The following SIK3 variants were observed in gnomAD, a reference collection of about 807,000 sequenced individuals.
SIK3 encodes the protein serine/threonine-protein kinase SIK3.
Under a neutral mutation model 144.2 loss-of-function variants are expected in SIK3, and 28 were observed. The ratio of observed to expected loss-of-function variants is 0.19; its 90% CI spans 0.14 to 0.27. The LOEUF is 0.27. SIK3 is among the 10% of genes least tolerant of loss of function. The pLI, the probability that SIK3 is intolerant of heterozygous loss-of-function variation, is 1.00. For missense variants in SIK3, 1,319 were observed against 1,776.0 expected (o/e 0.74, Z 4.62); for synonymous variants, 686 against 676.3 (o/e 1.01, Z -0.22).
At chr11:117,018,908 C>T (rs1271027163) in intron 1 of SIK3, among the ~76,000 whole-genome samples, 1 of 151,942 alleles carries the variant, frequency 6.6e-6, no homozygotes, top group African/African-American at 2.4e-5. Flanking sequence ...GAAGGGGTTT[C>T]ACCATGCTGG....
At chr11:116,887,953 AAAC>A (rs1591229403) in intron 6 of SIK3, among the ~76,000 whole-genome samples, 2 of 152,258 alleles carry the variant, frequency 1.3e-5, no homozygotes, top group Non-Finnish European at 2.9e-5. Flanking sequence ...TGTGTCAAAC[AAAC>A]AACACCAGGC....
intron 1 of SIK3, among the ~76,000 whole-genome samples, chr11:117,081,510 G>A (rs992928881): frequency 6.6e-6 from 1 of 152,226 alleles, no homozygotes; most frequent in Non-Finnish European, 1.5e-5. Flanking sequence ...TGTAGTCCCA[G>A]CTACTCAGGA....
intron 1 of SIK3, among the ~76,000 whole-genome samples, chr11:117,064,110 G>A (rs1953914246): frequency 6.6e-6 from 1 of 152,138 alleles, no homozygotes; most frequent in Non-Finnish European, 1.5e-5. Flanking sequence ...GATAAAGCCA[G>A]GTCAAAACTA....
At position 116,858,076 on chromosome 11, in the gene SIK3, C is replaced by T; in HGVS notation, c.3389G>A (p.Gly1130Glu). 3 of 1,613,706 alleles carry T rather than the reference C, an allele frequency of 1.9e-6. No homozygotes were observed. The highest frequency in any genetic ancestry group is 1.1e-5 in the South Asian group (1 of 90,994). The change falls in exon 21 of 25, where the codon GGG becomes GAG. Residue 1130 changes from glycine to glutamate, a missense_variant. Coordinates refer to ENST00000445177, the MANE Select transcript of SIK3 (RefSeq NM_001366686.3). This position sits in a 1 kb window ranked among gnomAD's most constrained non-coding sequence, Gnocchi z 5.4. ...CATCAGTGCCGGCTGGTGAGCATACCCGTGGGGCGGGGTGGGTGAGGAAGC... is the reference window on the plus strand; with the variant it reads ...CATCAGTGCCGGCTGGTGAGCATACTCGTGGGGCGGGGTGGGTGAGGAAGC... ...SQASSPTPPHGYAHQPALMHS... is the reference protein window; with the variant it reads ...SQASSPTPPHEYAHQPALMHS...
At chr11:116,974,418 C>T (rs1379231244) in intron 1 of SIK3, among the ~76,000 whole-genome samples, 1 of 151,860 alleles carries the variant, frequency 6.6e-6, no homozygotes, top group African/African-American at 2.4e-5. Flanking sequence ...CCTTTTTTTC[C>T]CCCTTTTGAA....
At chr11:117,016,649 G>GA (rs1487039556) in intron 1 of SIK3, among the ~76,000 whole-genome samples, 3 of 152,030 alleles carry the variant, frequency 2.0e-5, no homozygotes, top group East Asian at 3.9e-4. Context: ...CCCTGTCTCC[G>GA]AAAAAATTGT....
chr11:117,092,455 C>G (rs1955290678), intron 1 of SIK3, among the ~76,000 whole-genome samples: 1 of 152,174 alleles, frequency 6.6e-6, no homozygotes, highest in African/African-American at 2.4e-5. Flanking sequence ...CTATCTGAGG[C>G]AGCAGCCCCC....
rs897484210 is a variant in SIK3, at chr11:117,082,219, G to A, written c.273+15924C>T. On this transcript the variant is annotated intron_variant, in intron 1 of 24. Coordinates refer to ENST00000445177, the MANE Select transcript of SIK3 (RefSeq NM_001366686.3). The stretch of plus-strand genomic sequence containing the variant: ...GGGCAGCTACTGTGGAAAACAGTTT[G>A]GAAGTTGCTCAAAACCTTAAACAAG... Among the ~76,000 whole-genome samples the A allele has an allele frequency of 2.6e-5, 4 of 152,164 alleles. No homozygotes were observed. In the South Asian group the frequency reaches 6.2e-4, roughly 24 times the overall value.
chr11:117,064,597 A>C (rs532123452), intron 1 of SIK3, among the ~76,000 whole-genome samples: 1 of 152,280 alleles, frequency 6.6e-6, no homozygotes, highest in Non-Finnish European at 1.5e-5. Context: ...CAGACTTCAT[A>C]ATTCTCCACT....
chr11:116,999,176 A>G (rs1016979269), intron 1 of SIK3, among the ~76,000 whole-genome samples: 15 of 152,194 alleles, frequency 9.9e-5, no homozygotes, highest in Non-Finnish European at 2.2e-4. Context: ...AAATGTTAGA[A>G]CAGTTCTGGA....
intron 1 of SIK3, among the ~76,000 whole-genome samples, chr11:116,966,476 T>G (rs1049404526): frequency 6.6e-6 from 1 of 152,198 alleles, no homozygotes; most frequent in Non-Finnish European, 1.5e-5. Context: ...ATATACACCT[T>G]ATACACATAG....
At chr11:117,088,836 C>T (rs950104550) in intron 1 of SIK3, among the ~76,000 whole-genome samples, 7 of 150,620 alleles carry the variant, frequency 4.6e-5, no homozygotes, top group African/African-American at 9.9e-5. Flanking sequence ...ACCACCACAC[C>T]CCTGGTTATT....
At chr11:116,999,466 G>C (rs996407722) in intron 1 of SIK3, among the ~76,000 whole-genome samples, 2 of 152,148 alleles carry the variant, frequency 1.3e-5, no homozygotes, top group African/African-American at 4.8e-5. Flanking sequence ...AATTCTAACT[G>C]CCCACTATTG....
At chr11:117,000,871 G>T (rs368777283) in intron 1 of SIK3, among the ~76,000 whole-genome samples, 24 of 152,282 alleles carry the variant, frequency 1.6e-4, no homozygotes, top group African/African-American at 4.6e-4. Flanking sequence ...AAATGACGAC[G>T]GGTTGCTTAG....
At chr11:116,981,782 G>A (rs757561104) in intron 1 of SIK3, among the ~76,000 whole-genome samples, 57 of 152,182 alleles carry the variant, frequency 3.7e-4, no homozygotes, top group Non-Finnish European at 6.8e-4. Context: ...GGAGGCCGGG[G>A]CAGGAGGACT....
chr11:117,082,229 C>A (rs1954820345), intron 1 of SIK3, among the ~76,000 whole-genome samples: 1 of 152,120 alleles, frequency 6.6e-6, no homozygotes, highest in African/African-American at 2.4e-5. Context: ...GGAAGTTGCT[C>A]AAAACCTTAA....
rs1192486774 is a variant in SIK3 at position 116,915,986 on chromosome 11, A to G, written c.616+11233T>C. Among the ~76,000 whole-genome samples the G allele has an allele frequency of 2.6e-5, 4 of 152,256 alleles. No individual in the cohort carries two copies. In the South Asian group the frequency reaches 8.3e-4, roughly 31 times the overall value. On this transcript the variant is annotated intron_variant, in intron 4 of 24. Transcript: ENST00000445177. The stretch of plus-strand genomic sequence containing the variant: ...CCCTGCCAGCAGGTAGACTCGATTT[A>G]TACTCAGAGGCTCTCAAACTATTCC...
At chr11:117,008,509 G>A (rs1951135793) in intron 1 of SIK3, among the ~76,000 whole-genome samples, 1 of 152,050 alleles carries the variant, frequency 6.6e-6, no homozygotes, top group Non-Finnish European at 1.5e-5. Flanking sequence ...ATATCAACTC[G>A]AATTCTGCAT....
intron 16 of SIK3, among the ~76,000 whole-genome samples, 160 bp downstream of exon 16, chr11:116,863,508 C>A (rs143080946): frequency 1.3e-5 from 2 of 152,122 alleles, no homozygotes; most frequent in African/African-American, 4.8e-5. Flanking sequence ...GGATTATAGG[C>A]GGGATCCACT....
Sources: gnomAD v4.1 joint callset for allele counts (sites outside exome capture counted in the v4.1 genomes callset) on GRCh38, gnomAD v4.1.1 for gene constraint, Gnocchi (gnomAD v3.1) non-coding constraint, MANE v1.5 for transcripts, NCBI Gene and HGNC (gene_info 2026-07-23, HGNC 2026-07-21) for gene names.